The following FAT3 variants were observed in gnomAD, a reference collection of about 807,000 sequenced individuals.
The protein encoded by FAT3 is FAT atypical cadherin 3.
In FAT3, 95 loss-of-function variants were observed where a neutral mutation model predicts 310.2. That is an observed-to-expected ratio of 0.31 (90% CI 0.26 to 0.36). The LOEUF (loss-of-function observed/expected upper bound fraction) is 0.36. Ranked by LOEUF, FAT3 falls within the 10% of genes least tolerant of loss-of-function variation. FAT3 has a pLI of 1.00. For missense variants in FAT3, 5,408 were observed against 5,715.6 expected (o/e 0.95, Z 1.74); for synonymous variants, 2,314 against 2,192.9 (o/e 1.06, Z -1.54).
chr11:92,448,321 T>C (rs1351700656), intron 2 of FAT3, among the ~76,000 whole-genome samples: 4 of 152,320 alleles, frequency 2.6e-5, no homozygotes, highest in African/African-American at 9.6e-5. Flanking sequence ...TGATTGCATC[T>C]GAACTTATGT....
At chr11:92,230,311 A>C (rs982970010) in intron 1 of FAT3, among the ~76,000 whole-genome samples, 2 of 152,098 alleles carry the variant, frequency 1.3e-5, no homozygotes, top group African/African-American at 4.8e-5. Flanking sequence ...TTATTTATTT[A>C]GAAACAGAGT....
At chr11:92,434,015 C>CAAAA (rs5793598) in intron 2 of FAT3, among the ~76,000 whole-genome samples, 23 of 125,838 alleles carry the variant, frequency 1.8e-4, no homozygotes, top group Non-Finnish European at 2.4e-4. Flanking sequence ...GACTCAGTCT[C>CAAAA]AAAAAAAAAA....
intron 3 of FAT3, among the ~76,000 whole-genome samples, chr11:92,600,316 C>G (rs1403405623): frequency 1.3e-5 from 2 of 152,194 alleles, no homozygotes; most frequent in Non-Finnish European, 2.9e-5. Flanking sequence ...GCATAAACTT[C>G]TAATTACTCC....
At chr11:92,816,415 A>G (rs1257341636) in intron 13 of FAT3, among the ~76,000 whole-genome samples, 1 of 152,212 alleles carries the variant, frequency 6.6e-6, no homozygotes. Context: ...GCCAGCTGTC[A>G]GCTGCCTCAG....
At chr11:92,519,604 A>T (rs1224933824) in intron 2 of FAT3, among the ~76,000 whole-genome samples, 1 of 152,102 alleles carries the variant, frequency 6.6e-6, no homozygotes, top group South Asian at 2.1e-4. Context: ...CTGGGGGGGA[A>T]GTTAGCAAAT....
At chr11:92,703,113 A>T (rs1257347115) in intron 4 of FAT3, among the ~76,000 whole-genome samples, 1 of 152,162 alleles carries the variant, frequency 6.6e-6, no homozygotes, top group Non-Finnish European at 1.5e-5. Flanking sequence ...CATGTGAATA[A>T]TTTTTCTTCC....
In FAT3 at chr11:92,801,414, GAT is replaced by G. The variant is rs1565608651; in HGVS notation, c.8404_8405del (p.Ile2802GlnfsTer7). 1 of 1,613,924 alleles carries G rather than the reference GAT, an allele frequency of 6.2e-7. No individual in the cohort carries two copies. Among genetic ancestry groups the G allele is most frequent in the Non-Finnish European group, 8.5e-7 (1 of 1,179,866 alleles). On this transcript the variant is annotated frameshift_variant, in exon 10 of 28. Coordinates refer to ENST00000525166, the MANE Select transcript of FAT3 (RefSeq NM_001367949.2). LOFTEE classifies it high-confidence loss of function. ...AGACATTGTGTTTACTGTGGATGTA[GAT>G]ATCAAGGTATTGGATTTGAATGACA... The part of the protein sequence containing the change: ...KVDIVFTVDV[D>X]IKVLDLNDNK...
chr11:92,556,063 C>T (rs1288967210), intron 3 of FAT3, among the ~76,000 whole-genome samples: 3 of 152,084 alleles, frequency 2.0e-5, no homozygotes, highest in Non-Finnish European at 4.4e-5. Flanking sequence ...TAATTCAGCA[C>T]CTGGGACATA....
At chr11:92,476,285 G>T (rs1952051410) in intron 2 of FAT3, among the ~76,000 whole-genome samples, 1 of 152,186 alleles carries the variant, frequency 6.6e-6, no homozygotes, top group Non-Finnish European at 1.5e-5. Flanking sequence ...AGATGGAAAT[G>T]TCAGACTGAC....
In FAT3 at chr11:92,890,601, C is replaced by T. The variant is rs543168460; in HGVS notation, c.13258C>T (p.Arg4420Trp). The change falls in exon 28 of 28, where the codon CGG (arginine) becomes TGG (tryptophan). Residue 4420 changes from arginine to tryptophan, a missense_variant. By Grantham distance (101) the Arg-to-Trp change is moderately radical. This residue lies in a region of FAT3 where 649 missense variants were observed against 666.2 expected (regional missense o/e 0.97). Coordinates refer to ENST00000525166, the MANE Select transcript of FAT3 (RefSeq NM_001367949.2). ...AGGGTCTGCACACCAGGGGAGCACACGGGAGCTGGAGAGCGATTACTACCT... is the reference window on the plus strand; with the variant it reads ...AGGGTCTGCACACCAGGGGAGCACATGGGAGCTGGAGAGCGATTACTACCT... ...DGGSAHQGST[R>W]ELESDYYLGG... 21 of 1,613,638 alleles carry T rather than the reference C, an allele frequency of 1.3e-5. No individual in the cohort carries two copies. Among genetic ancestry groups the T allele is most frequent in the African/African-American group, 2.7e-5 (2 of 74,884 alleles).
In FAT3 at chr11:92,544,245, G is replaced by T. The variant is rs115088851; in HGVS notation, c.3607+19297G>T. On this transcript the variant is annotated intron_variant, in intron 3 of 27. Transcript: ENST00000525166. ...CAGAGATATATATTGAAGAGAGATTGATTAATGGTTACAAATATGCACTTA... is the reference window on the plus strand; with the variant it reads ...CAGAGATATATATTGAAGAGAGATTTATTAATGGTTACAAATATGCACTTA... Among the ~76,000 whole-genome samples, 1,214 of 152,224 alleles carry T rather than the reference G, an allele frequency of 8.0e-3. 17 individuals carry two copies. The highest frequency in any genetic ancestry group is 0.028 in the African/African-American group (1,162 of 41,538).
chr11:92,595,792 C>T (rs1352664594), intron 3 of FAT3, among the ~76,000 whole-genome samples: 1 of 152,154 alleles, frequency 6.6e-6, no homozygotes, highest in East Asian at 1.9e-4. Context: ...ACAACTGACA[C>T]CTGATAGGCA....
intron 3 of FAT3, among the ~76,000 whole-genome samples, chr11:92,675,276 T>C (rs1280681689): frequency 6.6e-6 from 1 of 152,216 alleles, no homozygotes; most frequent in Non-Finnish European, 1.5e-5. Flanking sequence ...AAGAAAACAG[T>C]TCCTAAATGT....
At chr11:92,498,984 A>C (rs543643506) in intron 2 of FAT3, 1 of 152,156 alleles carries the variant, frequency 6.6e-6, no homozygotes, top group African/African-American at 2.4e-5. Context: ...AAGTAACTTT[A>C]ACCTTCATGT....
At chr11:92,767,662 C>A (rs1414332043) in intron 6 of FAT3, among the ~76,000 whole-genome samples, 28 of 152,160 alleles carry the variant, frequency 1.8e-4, no homozygotes, top group Admixed American at 1.8e-3. Flanking sequence ...GCATACCTAG[C>A]AGTACTGCAT....
At chr11:92,334,887 G>A (rs1026755034) in intron 1 of FAT3, among the ~76,000 whole-genome samples, 1 of 152,158 alleles carries the variant, frequency 6.6e-6, no homozygotes, top group Admixed American at 6.5e-5. Context: ...GCTTACGTGA[G>A]GGAATGTCAG....
At chr11:92,804,402 C>G (rs1261026851) in intron 10 of FAT3, among the ~76,000 whole-genome samples, 1 of 152,004 alleles carries the variant, frequency 6.6e-6, no homozygotes, top group Non-Finnish European at 1.5e-5. Context: ...CTATCTTGTT[C>G]CCCAAGCTGC....
intron 21 of FAT3, among the ~76,000 whole-genome samples, chr11:92,859,609 T>C (rs761748270): frequency 2.0e-5 from 3 of 152,226 alleles, no homozygotes; most frequent in Admixed American, 6.5e-5. Flanking sequence ...CATTAGAATG[T>C]GTCTCCTAAT....
At chr11:92,392,435 C>A (rs949460324) in intron 2 of FAT3, among the ~76,000 whole-genome samples, 1 of 152,092 alleles carries the variant, frequency 6.6e-6, no homozygotes, top group African/African-American at 2.4e-5. Context: ...CACTCTAAAG[C>A]TGCTCCCTCT....
Sources: allele counts gnomAD v4.1 joint callset (sites outside exome capture counted in the v4.1 genomes callset), GRCh38; gene constraint gnomAD v4.1.1; regional missense constraint gnomAD v4.1.1; transcripts MANE v1.5; gene names NCBI Gene and HGNC (gene_info 2026-07-23, HGNC 2026-07-21).